The following MEGF10 variants were observed in gnomAD, a reference collection of about 807,000 sequenced individuals.
MEGF10 encodes the protein multiple EGF like domains 10.
MEGF10 carries 86 observed loss-of-function variants against 147.5 expected under a neutral mutation model. The ratio of observed to expected loss-of-function variants is 0.58; its 90% CI spans 0.49 to 0.70. The LOEUF is 0.70. Ranked by LOEUF, MEGF10 falls within the 30% of genes least tolerant of loss-of-function variation. The pLI is 0.00. For synonymous variants in MEGF10, 478 were observed against 525.5 expected (o/e 0.91, Z 1.24); for missense variants, 1,329 against 1,487.3 (o/e 0.89, Z 1.75).
intron 2 of MEGF10, among the ~76,000 whole-genome samples, chr5:127,333,380 G>A (rs569908765): frequency 7.9e-4 from 120 of 152,172 alleles, no homozygotes; most frequent in Non-Finnish European, 1.5e-3. Context: ...AAGTGTGGTG[G>A]TGCATGCCTG....
At chr5:127,309,274 TA>T (rs532431680) in intron 1 of MEGF10, among the ~76,000 whole-genome samples, 94 of 152,382 alleles carry the variant, frequency 6.2e-4, no homozygotes, top group African/African-American at 2.2e-3. Context: ...CTTTGTAAAA[TA>T]TTGCGGTAAA....
intron 4 of MEGF10, among the ~76,000 whole-genome samples, chr5:127,345,204 A>G (rs539064589): frequency 1.1e-4 from 17 of 152,288 alleles, no homozygotes; most frequent in African/African-American, 3.6e-4. Flanking sequence ...AAAAAACTCT[A>G]GTTTTCTTGT....
chr5:127,396,964 C>T (rs1356508121), intron 6 of MEGF10, among the ~76,000 whole-genome samples, 186 bp downstream of exon 6: 2 of 152,106 alleles, frequency 1.3e-5, no homozygotes, highest in Admixed American at 6.5e-5. Flanking sequence ...GCTGTTTGGC[C>T]CTTGCACATC....
At chr5:127,305,561 T>C (rs1759975917) in intron 1 of MEGF10, among the ~76,000 whole-genome samples, 1 of 152,064 alleles carries the variant, frequency 6.6e-6, no homozygotes, top group Admixed American at 6.5e-5. Context: ...GGTCCACTTT[T>C]ATTTTGGTGA....
the MEGF10 span, among the ~76,000 whole-genome samples, chr5:127,260,177 G>C: frequency 6.6e-6 from 1 of 151,394 alleles, no homozygotes; most frequent in Non-Finnish European, 1.5e-5. Context: ...AAATAAATAA[G>C]TAAATAAATA....
At chr5:127,330,696 CTT>C (rs1761219697) in intron 1 of MEGF10, among the ~76,000 whole-genome samples, 1 of 152,096 alleles carries the variant, frequency 6.6e-6, no homozygotes, top group South Asian at 2.1e-4. Context: ...GTTTAAGAAA[CTT>C]ATGTCATGAT....
Position 127,342,185 on chromosome 5 carries a change from G to C in MEGF10, c.319+1555G>C, listed in dbSNP as rs540314686. On this transcript the variant is annotated intron_variant, in intron 4 of 24. Transcript: ENST00000503335. ...ATCATGAGCAGATCTCAGTGGCCCA[G>C]GCTGATGGGAAATTTTCAAAAGAAA... 3.3e-5 allele frequency among the ~76,000 whole-genome samples: 5 copies of C among 152,194 alleles called. No individual in the cohort carries two copies. In the East Asian group the frequency reaches 9.7e-4, roughly 29 times the overall value.
chr5:127,417,041 C>T (rs1764802677), intron 9 of MEGF10, among the ~76,000 whole-genome samples: 2 of 152,212 alleles, frequency 1.3e-5, no homozygotes, highest in African/African-American at 4.8e-5. Flanking sequence ...TGGTGAGAAG[C>T]ACATGTGTTT....
Position 127,379,351 on chromosome 5 carries a change from C to T in MEGF10, c.412+9349C>T, listed in dbSNP as rs140032089. Among the ~76,000 whole-genome samples, 478 of 152,206 alleles carry T rather than the reference C, an allele frequency of 3.1e-3. 1 individual carries two copies. Among genetic ancestry groups the T allele is most frequent in the African/African-American group, 0.011 (449 of 41,530 alleles). ...ATGCTGCTCTCCTTCCCAAAACTGG[C>T]TGGAATTTCCCCTTACAGTTAGAAT... On this transcript the variant is annotated intron_variant, in intron 5 of 24. Transcript: ENST00000503335.
chr5:127,436,523 G>T (rs963491893), intron 16 of MEGF10, among the ~76,000 whole-genome samples: 70 of 152,314 alleles, frequency 4.6e-4, no homozygotes, highest in Middle Eastern at 3.4e-3. Flanking sequence ...TACATGTGTT[G>T]CAAGGGCTCT....
intron 1 of MEGF10, among the ~76,000 whole-genome samples, chr5:127,319,658 A>T (rs183401568): frequency 6.6e-6 from 1 of 152,212 alleles, no homozygotes; most frequent in East Asian, 1.9e-4. Flanking sequence ...TTGAGTAGAC[A>T]TAATTCACTG....
intron 4 of MEGF10, among the ~76,000 whole-genome samples, chr5:127,347,251 G>A (rs1355893676): frequency 1.3e-5 from 2 of 152,022 alleles, no homozygotes; most frequent in African/African-American, 4.8e-5. Flanking sequence ...TTGTATATAT[G>A]TGTTTGTGTT....
At chr5:127,414,673 T>A (rs1266884015) in intron 9 of MEGF10, among the ~76,000 whole-genome samples, 1 of 152,178 alleles carries the variant, frequency 6.6e-6, no homozygotes, top group Non-Finnish European at 1.5e-5. Context: ...GAAAGCTAGA[T>A]CCCTGGAGTC....
the MEGF10 span, among the ~76,000 whole-genome samples, chr5:127,284,281 C>A: frequency 6.6e-6 from 1 of 152,120 alleles, no homozygotes; most frequent in Non-Finnish European, 1.5e-5. Context: ...TTGGCTGAGA[C>A]CTATGGCTAA....
chr5:127,429,538 T>A (rs1765327962), intron 13 of MEGF10, among the ~76,000 whole-genome samples: 1 of 152,208 alleles, frequency 6.6e-6, no homozygotes, highest in African/African-American at 2.4e-5. Context: ...ACCTCCCATG[T>A]GCTAGGTGCT....
the MEGF10 span, among the ~76,000 whole-genome samples, chr5:127,276,450 A>C: frequency 1.6e-4 from 25 of 152,198 alleles, no homozygotes; most frequent in African/African-American, 5.5e-4. Flanking sequence ...GAGTGAGATA[A>C]TTATTATAAT....
At chr5:127,298,547 G>A (rs909591238) in intron 1 of MEGF10, among the ~76,000 whole-genome samples, 3 of 152,122 alleles carry the variant, frequency 2.0e-5, no homozygotes, top group East Asian at 1.9e-4. Flanking sequence ...ATTTTGATTC[G>A]GTAGGTGCGT....
chr5:127,379,301 A>G (rs917938522), intron 5 of MEGF10, among the ~76,000 whole-genome samples: 6 of 152,030 alleles, frequency 3.9e-5, no homozygotes, highest in African/African-American at 1.4e-4. Flanking sequence ...GACTAGCGTG[A>G]TCTTGTAAAA....
intron 7 of MEGF10, among the ~76,000 whole-genome samples, chr5:127,399,156 C>T (rs1218374530): frequency 6.6e-6 from 1 of 152,098 alleles, no homozygotes; most frequent in East Asian, 1.9e-4. Flanking sequence ...AATTTTGTTC[C>T]ATGAGTTGCT....
Sources: allele counts gnomAD v4.1 joint callset (sites outside exome capture counted in the v4.1 genomes callset), GRCh38; gene constraint gnomAD v4.1.1; transcripts MANE v1.5; gene names NCBI Gene and HGNC (gene_info 2026-07-23, HGNC 2026-07-21).